The following BAHCC1 variants were observed in gnomAD, a reference collection of about 807,000 sequenced individuals.
BAHCC1 encodes BAH and coiled-coil domain-containing protein 1.
Under a neutral mutation model 88.2 loss-of-function variants are expected in BAHCC1, and 43 were observed. The observed-to-expected ratio is 0.49, with a 90% CI of 0.38 to 0.63. The LOEUF is 0.63. BAHCC1 is among the 20% of genes least tolerant of loss of function. The pLI is 0.00. For missense variants in BAHCC1, 3,023 were observed against 1,654.8 expected (o/e 1.83, Z -14.34); for synonymous variants, 1,510 against 745.5 (o/e 2.03, Z -16.71).
In BAHCC1 at chr17:81,445,440, C is replaced by T. The variant is rs537311800; in HGVS notation, c.2922C>T (p.Thr974=). The change falls in exon 10 of 28, where the codon ACC becomes ACT. Residue 974 remains threonine (T), a synonymous_variant. Transcript: ENST00000675386. ...CCACCCACAAGCCAGTTGCCTTAAC[C>T]CCCACGGCCCCGGGCGCCCCCTCAC... ...PKSTHKPVAL[T]PTAPGAPSPA... The T allele has an allele frequency of 1.6e-4, 121 of 770,068 alleles. 2 individuals are homozygous for T. In the South Asian group the frequency reaches 1.6e-3, roughly 10 times the overall value. 47.7% of individuals were successfully genotyped at this position (770,068 alleles called of 1,614,324 possible).
At position 81,399,938 on chromosome 17, in the gene BAHCC1, G is replaced by C. The variant is rs2063792788; in HGVS notation, c.178+21G>C. On this transcript the variant is annotated intron_variant, in intron 2 of 27. Coordinates refer to ENST00000675386, the MANE Select transcript of BAHCC1 (RefSeq NM_001377448.1). This position sits in a 1 kb window ranked among gnomAD's most constrained non-coding sequence, Gnocchi z 4.5. ...CACAGGTCAGTGCTCGGCCGGGGCGGGCGCGGGACGGGAGCGTTCGAGAGC... is the reference window on the plus strand; with the variant it reads ...CACAGGTCAGTGCTCGGCCGGGGCGCGCGCGGGACGGGAGCGTTCGAGAGC... 7.5e-7 allele frequency: 1 copy of C among 1,340,614 alleles called. No homozygotes were observed. The highest frequency in any genetic ancestry group is 9.6e-7 in the Non-Finnish European group (1 of 1,043,358). The allele number at this position is 1,340,614 out of a possible 1,614,324, so 83.0% of individuals were successfully genotyped here. A position where few individuals can be genotyped will look rare whatever the true frequency, so the allele number is the denominator to read the frequency against.
chr17:81,442,367 C>T lies in BAHCC1; in HGVS notation c.1018C>T (p.Arg340Trp), dbSNP rs1555652778. ...PGPAFSECLE[R>W]RQMLHHTASY... ...GCCGGCCTTCAGCGAGTGCCTGGAG[C>T]GGCGGCAGATGCTACACCACACCGC... Residue 340 changes from arginine (R) to tryptophan (W), a missense_variant, in exon 5 of 28, where the codon CGG becomes TGG. By Grantham distance (101) the Arg-to-Trp change is moderately radical. Coordinates refer to ENST00000675386, the MANE Select transcript of BAHCC1 (RefSeq NM_001377448.1). 12 of 701,166 alleles carry T rather than the reference C, an allele frequency of 1.7e-5. No homozygotes were observed. Among genetic ancestry groups the T allele is most frequent in the African/African-American group, 7.1e-5 (4 of 56,316 alleles). The allele number at this position is 701,166 out of a possible 1,614,324, so 43.4% of individuals were successfully genotyped here.
rs184230160 is a variant in BAHCC1, at chr17:81,421,924, G to C, written c.179-4876G>C. The C allele has an allele frequency of 2.1e-5, 9 of 418,764 alleles. No homozygotes were observed. In the East Asian group the frequency reaches 4.4e-4, roughly 21 times the overall value. The allele number at this position is 418,764 out of a possible 1,614,324, so 25.9% of individuals were successfully genotyped here. On this transcript the variant is annotated intron_variant, in intron 2 of 27. Coordinates refer to ENST00000675386, the MANE Select transcript of BAHCC1 (RefSeq NM_001377448.1). ...GCGACCCCATGTGATACTGGAGAAG[G>C]GTATTTGCAGCTGTGCCCAGAAGTG...
chr17:81,432,547 A>AGGCCCTCCCTCCCTCCCATCGCCG (rs2064273266), intron 3 of BAHCC1, among the ~76,000 whole-genome samples: 2 of 33,278 alleles, frequency 6.0e-5, no homozygotes, highest in African/African-American at 1.2e-4. Flanking sequence ...ACCCATCACC[A>AGGCCCTCCCTCCCTCCCATCGCCG]GGCCCACCCT....
intron 4 of BAHCC1, among the ~76,000 whole-genome samples, chr17:81,439,431 G>C (rs111759089): frequency 6.0e-4 from 91 of 152,148 alleles, no homozygotes; most frequent in African/African-American, 2.0e-3. Flanking sequence ...TCTGGCCTGG[G>C]CTATGGGAGG....
chr17:81,417,674 A>G (rs2064052882), intron 2 of BAHCC1, among the ~76,000 whole-genome samples: 1 of 151,130 alleles, frequency 6.6e-6, no homozygotes, highest in Non-Finnish European at 1.5e-5. Flanking sequence ...CCATCCTGTC[A>G]TCATCACCTC....
In BAHCC1 at chr17:81,442,151, G is replaced by A. The variant is rs145916430; in HGVS notation, c.802G>A (p.Ala268Thr). The A allele has an allele frequency of 5.1e-3, 3,369 of 654,538 alleles. 23 individuals carry two copies. Among genetic ancestry groups the A allele is most frequent in the African/African-American group, 6.3e-3 (336 of 53,074 alleles). 40.5% of individuals were successfully genotyped at this position (654,538 alleles called of 1,614,324 possible). ...CGGGCACTGCAGGGAGGGCGGCCCCGCACCCCGAGGGGCCTGCGAGGGCCG... is the reference window on the plus strand; with the variant it reads ...CGGGCACTGCAGGGAGGGCGGCCCCACACCCCGAGGGGCCTGCGAGGGCCG... ...ADGHCREGGP[A>T]PRGACEGRPK... The change falls in exon 5 of 28, where the codon GCA (alanine) becomes ACA (threonine). Residue 268 changes from alanine to threonine, a missense_variant. By Grantham distance (58) the Ala-to-Thr change is moderately conservative. Transcript: ENST00000675386.
Position 81,457,397 on chromosome 17 carries a change from G to A in BAHCC1, c.4859-13G>A, listed in dbSNP as rs1305447963. Reference sequence around the variant, plus strand: ...ACCATCAAGTCATCAGGACCCCTCTGCCTCTCTCCCAGGCAGTGGCTATGA... The same window carrying A: ...ACCATCAAGTCATCAGGACCCCTCTACCTCTCTCCCAGGCAGTGGCTATGA... On this transcript the variant is annotated splice_polypyrimidine_tract_variant and intron_variant, in intron 16 of 27. Coordinates refer to ENST00000675386, the MANE Select transcript of BAHCC1 (RefSeq NM_001377448.1). 1 of 761,914 alleles carries A rather than the reference G, an allele frequency of 1.3e-6. No individual in the cohort carries two copies. The highest frequency in any genetic ancestry group is 1.7e-5 in the African/African-American group (1 of 58,974). The allele number at this position is 761,914 out of a possible 1,614,324, so 47.2% of individuals were successfully genotyped here.
chr17:81,432,281 GTGCCTGTGTGTGGGGCTGGCTGGTGTCA>G (rs2064269334), intron 3 of BAHCC1, among the ~76,000 whole-genome samples: 1 of 152,108 alleles, frequency 6.6e-6, no homozygotes, highest in African/African-American at 2.4e-5. Flanking sequence ...CGTCTCCTGT[GTGCCTGTGTGTGGGGCTGGCTGGTGTCA>G]TGCCTGTGGC....
At chr17:81,431,505 T>C (rs1158272260) in intron 3 of BAHCC1, among the ~76,000 whole-genome samples, 1 of 152,118 alleles carries the variant, frequency 6.6e-6, no homozygotes, top group Non-Finnish European at 1.5e-5. Flanking sequence ...GAAGCCAGGA[T>C]AGGGACATCC....
intron 1 of BAHCC1, among the ~76,000 whole-genome samples, chr17:81,397,447 C>T (rs1260900118): frequency 6.6e-6 from 1 of 152,040 alleles, no homozygotes; most frequent in African/African-American, 2.4e-5. Flanking sequence ...CACACGACTC[C>T]CTGGAGGCCG....
At position 81,463,604 on chromosome 17, in the gene BAHCC1, C is replaced by T. The variant is rs782418867; in HGVS notation, c.7621-7C>T. 9 of 779,432 alleles carry T rather than the reference C, an allele frequency of 1.2e-5. No homozygotes were observed. The East Asian group carries it at 1.9e-4, about 17-fold the overall frequency. The allele number at this position is 779,432 out of a possible 1,614,324, so 48.3% of individuals were successfully genotyped here. ...GGCCACTGATGCCCCGCGCGCCTTG[C>T]CCCCAGAATGCGCTGTACCAGTCCT... is the stretch of plus-strand genomic sequence containing the variant. On this transcript the variant is annotated splice_polypyrimidine_tract_variant and splice_region_variant and intron_variant, in intron 27 of 27. Coordinates refer to ENST00000675386, the MANE Select transcript of BAHCC1 (RefSeq NM_001377448.1).
Position 81,434,437 on chromosome 17 carries a change from G to A in BAHCC1, c.359-3933G>A, listed in dbSNP as rs368373165. Among the ~76,000 whole-genome samples the A allele has an allele frequency of 5.3e-5, 8 of 152,194 alleles. No individual in the cohort carries two copies. Among genetic ancestry groups the A allele is most frequent in the African/African-American group, 9.7e-5 (4 of 41,448 alleles). On this transcript the variant is annotated intron_variant, in intron 3 of 27. Transcript: ENST00000675386. This position sits in a 1 kb window ranked among gnomAD's most constrained non-coding sequence, Gnocchi z 4.9. ...CGTTTGTCAGGATGGTGGGGTGTCC[G>A]CTGTAGAAGGTTTTGTCCTCAAAGG...
At chr17:81,444,598 G>T in intron 7 of BAHCC1, 30 bp downstream of exon 7, 2 of 745,642 alleles carry the variant, frequency 2.7e-6, no homozygotes, top group Non-Finnish European at 2.5e-6. Flanking sequence ...GGGCTGGCCT[G>T]GGGCTGATGA....
At position 81,450,744 on chromosome 17, in the gene BAHCC1, A is replaced by G. The variant is rs558802852; in HGVS notation, c.3977-924A>G. Among the ~76,000 whole-genome samples, 6 of 152,294 alleles carry G rather than the reference A, an allele frequency of 3.9e-5. No individual in the cohort carries two copies. In the East Asian group the frequency reaches 1.2e-3, roughly 29 times the overall value. On this transcript the variant is annotated intron_variant, in intron 11 of 27. Transcript: ENST00000675386. ...TCACAGCAGATGAGACTGCATCCAG[A>G]AACCCCTGCCCGCTGCCCTCCTCAC...
intron 2 of BAHCC1, chr17:81,407,295 TG>T (rs1567995216): frequency 1.9e-6 from 1 of 517,376 alleles, no homozygotes; most frequent in African/African-American, 1.9e-5. Context: ...AGTGCCTTCT[TG>T]GGGTACCCCA....
At chr17:81,444,976 TC>T in intron 8 of BAHCC1, 38 bp from the exon 9 acceptor site, 1 of 707,696 alleles carries the variant, frequency 1.4e-6, no homozygotes. Flanking sequence ...AGCTGTCCCC[TC>T]CCCAGCCAGG....
At position 81,464,111 on chromosome 17, in the gene BAHCC1, G is replaced by A. The variant is rs782494130; in HGVS notation, c.*294G>A. On this transcript the variant is annotated 3_prime_UTR_variant, in exon 28 of 28. Coordinates refer to ENST00000675386, the MANE Select transcript of BAHCC1 (RefSeq NM_001377448.1). ...TCCGTTTCCCGCACCGGCAGTTCAC[G>A]GGAGATTTGAATCCAAGCCATATTC... The A allele has an allele frequency of 2.2e-5, 11 of 508,916 alleles. No individual in the cohort carries two copies. The highest frequency in any genetic ancestry group is 3.6e-5 in the Non-Finnish European group (10 of 281,070). 31.5% of individuals were successfully genotyped at this position (508,916 alleles called of 1,614,324 possible).
intron 10 of BAHCC1, among the ~76,000 whole-genome samples, chr17:81,446,358 T>G (rs1555654311): frequency 6.6e-6 from 1 of 150,782 alleles, no homozygotes. Context: ...GGGAAAACCC[T>G]GATTAAAGCA....
Sources: allele counts gnomAD v4.1 joint callset (sites outside exome capture counted in the v4.1 genomes callset), GRCh38; gene constraint gnomAD v4.1.1; non-coding constraint Gnocchi (gnomAD v3.1); transcripts MANE v1.5; gene names NCBI Gene and HGNC (gene_info 2026-07-23, HGNC 2026-07-21).